MMP16: variants seen among roughly 807,000 people sequenced by gnomAD.
The protein encoded by MMP16 is matrix metalloproteinase-16.
MMP16 carries 12 observed loss-of-function variants against 67.8 expected under a neutral mutation model. The observed-to-expected ratio is 0.18, with a 90% confidence interval of 0.11 to 0.29. The LOEUF (loss-of-function observed/expected upper bound fraction) is 0.29. Ranked by LOEUF, MMP16 falls within the 10% of genes least tolerant of loss-of-function variation. The pLI, the probability that MMP16 is intolerant of heterozygous loss-of-function variation, is 1.00. For missense variants in MMP16, 475 were observed against 765.7 expected, an observed-to-expected ratio of 0.62 and a Z score of 4.48; for synonymous variants, 249 against 255.9, an observed-to-expected ratio of 0.97 and a Z score of 0.26.
At chr8:88,131,180 G>A (rs542560876) in intron 4 of MMP16, among the ~76,000 whole-genome samples, 92 of 151,498 alleles carry the variant, frequency 6.1e-4, no homozygotes, top group African/African-American at 2.1e-3. Flanking sequence ...CTTAAAAGCT[G>A]GTAAGTGGTA....
At chr8:88,061,144 A>T (rs1808394896) in intron 7 of MMP16, among the ~76,000 whole-genome samples, 1 of 149,962 alleles carries the variant, frequency 6.7e-6, no homozygotes, top group Admixed American at 6.7e-5. Context: ...ACACACACAC[A>T]CACACACACA....
At chr8:88,184,134 G>C (rs1291394829) in intron 3 of MMP16, among the ~76,000 whole-genome samples, 1 of 152,048 alleles carries the variant, frequency 6.6e-6, no homozygotes, top group Non-Finnish European at 1.5e-5. Flanking sequence ...TAAGGTAATA[G>C]TATGCAGTTT....
chr8:88,248,064 T>TA (rs1197555431), intron 1 of MMP16, among the ~76,000 whole-genome samples: 1 of 152,058 alleles, frequency 6.6e-6, no homozygotes, highest in Non-Finnish European at 1.5e-5. Context: ...ATATCCCCTA[T>TA]ATACATACAC....
intron 6 of MMP16, among the ~76,000 whole-genome samples, chr8:88,087,416 C>T (rs931666814): frequency 1.6e-4 from 25 of 151,858 alleles, no homozygotes; most frequent in Non-Finnish European, 2.8e-4. Flanking sequence ...CCTTAGTTCT[C>T]GTAATAGTGG....
chr8:88,086,669 A>G (rs1808838860), intron 6 of MMP16, among the ~76,000 whole-genome samples: 1 of 151,906 alleles, frequency 6.6e-6, no homozygotes, highest in Non-Finnish European at 1.5e-5. Flanking sequence ...TCTTACATAC[A>G]ATAAAATCCA....
At chr8:88,076,915 C>G (rs1244369543) in intron 6 of MMP16, among the ~76,000 whole-genome samples, 2 of 152,118 alleles carry the variant, frequency 1.3e-5, no homozygotes, top group African/African-American at 4.8e-5. Flanking sequence ...GGACTACATT[C>G]CAGTTTTTCC....
At chr8:88,200,249 T>A (rs926912781) in intron 1 of MMP16, among the ~76,000 whole-genome samples, 2 of 152,006 alleles carry the variant, frequency 1.3e-5, no homozygotes, top group Non-Finnish European at 2.9e-5. Context: ...GAAGGTGTGA[T>A]ACATTTGACA....
In MMP16 at chr8:88,289,092, A is replaced by G. The variant is rs1810879027; in HGVS notation, c.132+37983T>C. Among the ~76,000 whole-genome samples, 3 of 152,134 alleles carry G rather than the reference A, an allele frequency of 2.0e-5. No individual in the cohort carries two copies. The South Asian group carries it at 6.2e-4, about 32-fold the overall frequency. ...AGATAATGGGGAGAACATTTGAATC[A>G]GATGGTACAGCCCAGAAAGAGACAG... On this transcript the variant is annotated intron_variant, in intron 1 of 9. Coordinates refer to ENST00000286614, the MANE Select transcript of MMP16 (RefSeq NM_005941.5).
chr8:88,298,523 CA>C (rs760816725), intron 1 of MMP16, among the ~76,000 whole-genome samples: 11 of 152,114 alleles, frequency 7.2e-5, no homozygotes, highest in Non-Finnish European at 1.5e-4. Context: ...CATGAAAAAT[CA>C]CACGAGAGGA....
rs1808360820 is a variant in MMP16, at chr8:88,058,688, A to G, written c.1223-2410T>C. On this transcript the variant is annotated intron_variant, in intron 7 of 9. Transcript: ENST00000286614. The surrounding 1 kb of genome is among the most constrained non-coding windows in gnomAD (Gnocchi z 4.2). ...AGATTGTTTGAGGTAAAAGAAACATAAAGAATAAATGCCATAATGGGAAGA... is the reference window on the plus strand; with the variant it reads ...AGATTGTTTGAGGTAAAAGAAACATGAAGAATAAATGCCATAATGGGAAGA... 6.6e-6 allele frequency among the ~76,000 whole-genome samples: 1 copy of G among 152,146 alleles called. No homozygotes were observed. The highest frequency in any genetic ancestry group is 1.9e-4 in the East Asian group (1 of 5,196).
intron 1 of MMP16, among the ~76,000 whole-genome samples, chr8:88,253,048 TA>T (rs1563574766): frequency 6.6e-6 from 1 of 152,124 alleles, no homozygotes; most frequent in Non-Finnish European, 1.5e-5. Context: ...CTCTCTTAAT[TA>T]AAATTCTATT....
At chr8:88,093,289 G>A (rs1238420917) in intron 6 of MMP16, among the ~76,000 whole-genome samples, 1 of 151,754 alleles carries the variant, frequency 6.6e-6, no homozygotes, top group Non-Finnish European at 1.5e-5. Flanking sequence ...TTATAATGTG[G>A]CTTATAATGC....
rs1372658566 is a variant in MMP16 at position 88,114,685 on chromosome 8, T to C, written c.1083+1822A>G. 2.0e-5 allele frequency among the ~76,000 whole-genome samples: 3 copies of C among 151,992 alleles called. No individual in the cohort carries two copies. The East Asian group carries it at 5.8e-4, about 29-fold the overall frequency. ...AGAAGATGTTATCTTCCAGAGAAAT[T>C]ATTCTTAGAAAGAAAGCAATAATTC... is the stretch of plus-strand genomic sequence containing the variant. On this transcript the variant is annotated intron_variant, in intron 6 of 9. Transcript: ENST00000286614.
In MMP16 at chr8:88,241,081, G is replaced by T. The variant is rs1404919103; in HGVS notation, c.133-43775C>A. Among the ~76,000 whole-genome samples the T allele has an allele frequency of 1.4e-3, 201 of 139,592 alleles. 1 individual carries two copies. Among genetic ancestry groups the T allele is most frequent in the South Asian group, 4.1e-3 (18 of 4,408 alleles). The allele number at this position is 139,592 out of a possible 152,430, so 91.6% of individuals were successfully genotyped here. On this transcript the variant is annotated intron_variant, in intron 1 of 9. Coordinates refer to ENST00000286614, the MANE Select transcript of MMP16 (RefSeq NM_005941.5). ...TAGCATCTGGACTAAGTTTTGTTTT[G>T]TTTTTTTTTTTTCTTAAATAGTACT...
At chr8:88,067,818 T>C (rs1808482907) in intron 7 of MMP16, among the ~76,000 whole-genome samples, 1 of 152,148 alleles carries the variant, frequency 6.6e-6, no homozygotes, top group South Asian at 2.1e-4. Flanking sequence ...CATTTACCTG[T>C]TGAGAGTATC....
intron 1 of MMP16, among the ~76,000 whole-genome samples, chr8:88,261,695 T>A (rs1810390543): frequency 6.6e-6 from 1 of 151,784 alleles, no homozygotes; most frequent in Non-Finnish European, 1.5e-5. Flanking sequence ...ATTAGGTATG[T>A]TATATACATA....
At chr8:88,315,741 T>C (rs896660977) in intron 1 of MMP16, among the ~76,000 whole-genome samples, 3 of 152,176 alleles carry the variant, frequency 2.0e-5, no homozygotes, top group Non-Finnish European at 4.4e-5. Flanking sequence ...CCTATAAATG[T>C]TTAAGTGAAA....
At chr8:88,166,003 A>C (rs1157876171) in intron 4 of MMP16, among the ~76,000 whole-genome samples, 1 of 152,028 alleles carries the variant, frequency 6.6e-6, no homozygotes, top group Non-Finnish European at 1.5e-5. Context: ...ACTGCTATAT[A>C]CTTTATTTTA....
At chr8:88,175,668 T>G (rs1808875845) in intron 3 of MMP16, among the ~76,000 whole-genome samples, 1 of 152,224 alleles carries the variant, frequency 6.6e-6, no homozygotes, top group African/African-American at 2.4e-5. Flanking sequence ...TCCATTATCT[T>G]ACTTAATTTT....
Sources: allele counts gnomAD v4.1 joint callset (sites outside exome capture counted in the v4.1 genomes callset), GRCh38; gene constraint gnomAD v4.1.1; non-coding constraint Gnocchi (gnomAD v3.1); transcripts MANE v1.5; gene names NCBI Gene and HGNC (gene_info 2026-07-23, HGNC 2026-07-21).